Variants in CEP78 observed in about 807,000 individuals in gnomAD.
CEP78 encodes the protein centrosomal protein of 78 kDa.
A neutral mutation model predicts 81.2 loss-of-function variants in CEP78; 76 were observed. That is an observed-to-expected ratio of 0.94 (90% CI 0.78 to 1.13). CEP78 has a LOEUF of 1.13. Ranked by LOEUF, CEP78 falls within the 50% of genes most tolerant of loss-of-function variation. The pLI, the probability that CEP78 is intolerant of heterozygous loss-of-function variation, is 0.00. For missense variants in CEP78, 918 were observed against 846.8 expected, an observed-to-expected ratio of 1.08 and a Z score of -1.04; for synonymous variants, 293 against 301.4, an observed-to-expected ratio of 0.97 and a Z score of 0.29.
In CEP78 at chr9:78,236,087, G is replaced by A. The variant is rs942603026; in HGVS notation, c.-264G>A. The A allele has an allele frequency of 1.2e-5, 6 of 485,114 alleles. No homozygotes were observed. The South Asian group carries it at 1.3e-4, about 11-fold the overall frequency. The allele number at this position is 485,114 out of a possible 1,614,324, so 30.1% of individuals were successfully genotyped here. On this transcript the variant is annotated 5_prime_UTR_variant, in exon 1 of 17. Transcript: ENST00000643273. ...GGCACCGCCCACCGGCTTGAATCCC[G>A]GCGCCTCAGAGGACTATGAGGCGGG...
rs148207872 is a variant in CEP78, at chr9:78,239,741, G to A, written c.254-282G>A. ...GCCTTTGCTCTCGCTGCTCCCTCTG[G>A]TTAATGCATCACCCACTCTCACCCC... On this transcript the variant is annotated intron_variant, in intron 1 of 16. Coordinates refer to ENST00000643273, the MANE Select transcript of CEP78 (RefSeq NM_001330691.3). 4.5e-4 allele frequency among the ~76,000 whole-genome samples: 69 copies of A among 152,230 alleles called. No homozygotes were observed. In the East Asian group the frequency reaches 0.01, roughly 23 times the overall value.
intron 8 of CEP78, chr9:78,250,354 A>G: frequency 5.0e-6 from 2 of 397,806 alleles, no homozygotes; most frequent in Admixed American, 4.4e-5. Flanking sequence ...TGTCACATTC[A>G]TATTGCAATT....
Position 78,262,230 on chromosome 9 carries a change from A to G in CEP78, c.1381-677A>G, listed in dbSNP as rs533678437. ...TTTTTTTTTTTTTTTACCAATCACA[A>G]TTTGGAGGCTTTTAGTTGTAAACAG... On this transcript the variant is annotated intron_variant, in intron 11 of 16. Transcript: ENST00000643273. Among the ~76,000 whole-genome samples the G allele has an allele frequency of 2.0e-5, 3 of 150,272 alleles. No individual in the cohort carries two copies. The South Asian group carries it at 6.3e-4, about 32-fold the overall frequency.
rs748644027 is a variant in CEP78, at chr9:78,240,125, C to G, written c.356C>G (p.Ser119Ter). Residue 119 changes from serine to a stop codon, truncating the protein, a stop_gained, in exon 2 of 17, where the codon TCA (serine) becomes TGA (stop). Transcript: ENST00000643273. LOFTEE classifies it high-confidence loss of function. ...GCTCTTAAAGGCTGTTTAAGTATAT[C>G]AAGTGTGCTAAAGAACCTGGAGCTA... is the stretch of plus-strand genomic sequence containing the variant. Reference protein sequence around the residue: ...CKALKGCLSISSVLKNLELNG... With the variant: ...CKALKGCLSI 6.3e-7 allele frequency: 1 copy of G among 1,589,298 alleles called. No individual in the cohort carries two copies. The highest frequency in any genetic ancestry group is 2.2e-5 in the East Asian group (1 of 44,786).
Position 78,264,179 on chromosome 9 carries a change from T to A in CEP78, c.1488T>A (p.Asn496Lys), listed in dbSNP as rs771426273. Residue 496 changes from asparagine (N) to lysine (K), a missense_variant, in exon 13 of 17, where the codon AAT (asparagine) becomes AAA (lysine). Physicochemically the swap from Asn to Lys is moderately conservative, Grantham distance 94 (BLOSUM62 0). Coordinates refer to ENST00000643273, the MANE Select transcript of CEP78 (RefSeq NM_001330691.3). ...ELEHENAQLR[N>K]INFSLSEALH... ...AACATGAAAATGCCCAGTTAAGAAA[T>A]ATAAATTTCTCTTTGTCTGAAGCCC... The A allele has an allele frequency of 5.6e-5, 84 of 1,494,810 alleles. No homozygotes were observed. The highest frequency in any genetic ancestry group is 2.5e-5 in the East Asian group (1 of 39,268). 92.6% of individuals were successfully genotyped at this position (1,494,810 alleles called of 1,614,324 possible). A position where few individuals can be genotyped will look rare whatever the true frequency, so the allele number is the denominator to read the frequency against.
chr9:78,237,824 C>T (rs1229621597), intron 1 of CEP78, among the ~76,000 whole-genome samples: 1 of 151,990 alleles, frequency 6.6e-6, no homozygotes, highest in South Asian at 2.1e-4. Context: ...AGGGCTGGGG[C>T]CGGGCACCGT....
At chr9:78,264,411 T>C in intron 13 of CEP78, 95 bp downstream of exon 13, 2 of 936,872 alleles carry the variant, frequency 2.1e-6, no homozygotes, top group Non-Finnish European at 3.3e-6. Context: ...TCTGAAGTCA[T>C]ATTTACTGTG....
rs542110442 is a variant in CEP78, at chr9:78,238,172, G to A, written c.253+1569G>A. Among the ~76,000 whole-genome samples, 153 of 152,102 alleles carry A rather than the reference G, an allele frequency of 1.0e-3. 1 individual carries two copies. The highest frequency in any genetic ancestry group is 2.2e-4 in the African/African-American group (9 of 41,502). ...TAGGATTTCAGATATCTAAGAGAATGGATGGGCGTGGTGACTAGTTAGAAG... is the reference window on the plus strand; with the variant it reads ...TAGGATTTCAGATATCTAAGAGAATAGATGGGCGTGGTGACTAGTTAGAAG... On this transcript the variant is annotated intron_variant, in intron 1 of 16. Transcript: ENST00000643273.
In CEP78 at chr9:78,236,190, G is replaced by A; in HGVS notation, c.-161G>A. On this transcript the variant is annotated 5_prime_UTR_variant, in exon 1 of 17. Transcript: ENST00000643273. ...GGGGCCGGCCTAGCTTGGGGCTCTG[G>A]CCTTGCGTCTTCCGACCGAATCACC... The A allele has an allele frequency of 1.6e-6, 1 of 639,774 alleles. No homozygotes were observed. 39.6% of individuals were successfully genotyped at this position (639,774 alleles called of 1,614,324 possible). A position where few individuals can be genotyped will look rare whatever the true frequency, so the allele number is the denominator to read the frequency against.
intron 11 of CEP78, among the ~76,000 whole-genome samples, chr9:78,260,690 G>A (rs1827234147): frequency 7.0e-6 from 1 of 143,094 alleles, no homozygotes; most frequent in African/African-American, 2.6e-5. Flanking sequence ...CTAGGCGACA[G>A]AGCGAGACTC....
At position 78,236,455 on chromosome 9, in the gene CEP78, C is replaced by T. The variant is rs1293786635; in HGVS notation, c.105C>T (p.Arg35=). ...LQNSVPLPAV[R]ACLREGVLDF... is the part of the protein sequence containing the mutation. ...ACTCGGTGCCGCTGCCCGCCGTGCG[C>T]GCCTGTCTCCGGGAGGGCGTGCTGG... The change falls in exon 1 of 17, where the codon CGC becomes CGT. Residue 35 remains arginine, a synonymous_variant. Transcript: ENST00000643273. The T allele has an allele frequency of 6.2e-7, 1 of 1,605,168 alleles. No homozygotes were observed. Among genetic ancestry groups the T allele is most frequent in the Admixed American group, 1.7e-5 (1 of 58,930 alleles).
At position 78,272,731 on chromosome 9, in the gene CEP78, C is replaced by T. The variant is rs1373100103; in HGVS notation, c.*1880C>T. On this transcript the variant is annotated 3_prime_UTR_variant, in exon 17 of 17. Transcript: ENST00000643273. ...TTTCAACAACATAGGTTTATTTGTG[C>T]CCATGCAGTTTGCCTTTGGCAGATT... 1 of 152,132 alleles carries T rather than the reference C, an allele frequency of 6.6e-6. No individual in the cohort carries two copies. Among genetic ancestry groups the T allele is most frequent in the Admixed American group, 6.5e-5 (1 of 15,274 alleles). The allele number at this position is 152,132 out of a possible 1,614,324, so 9.4% of individuals were successfully genotyped here.
At chr9:78,251,836 A>AT in intron 8 of CEP78, 72 bp from the exon 9 acceptor site, 1 of 1,375,012 alleles carries the variant, frequency 7.3e-7, no homozygotes, top group Non-Finnish European at 1.0e-6. Context: ...TTTTAAGAGT[A>AT]TGCACATGTG....
chr9:78,248,345 C>G lies in CEP78; in HGVS notation c.947C>G (p.Ala316Gly). The G allele has an allele frequency of 6.4e-7, 1 of 1,567,936 alleles. No homozygotes were observed. Among genetic ancestry groups the G allele is most frequent in the Non-Finnish European group, 8.8e-7 (1 of 1,138,196 alleles). ...AAAGTCCTCCAGAATGGAAGGAGTG[C>G]CAAATCAGAGGTATATCATGTTTTA... ...IKKVLQNGRSAKSEYQWITSP... is the reference protein window; with the variant it reads ...IKKVLQNGRSGKSEYQWITSP... The change falls in exon 7 of 17, where the codon GCC (alanine) becomes GGC (glycine). Residue 316 changes from alanine to glycine, a missense_variant. Physicochemically the swap from Ala to Gly is moderately conservative, Grantham distance 60. Transcript: ENST00000643273.
In CEP78 at chr9:78,271,154, A is replaced by T; in HGVS notation, c.*303A>T. 1 of 253,838 alleles carries T rather than the reference A, an allele frequency of 3.9e-6. No homozygotes were observed. The highest frequency in any genetic ancestry group is 7.4e-6 in the Non-Finnish European group (1 of 135,474). 15.7% of individuals were successfully genotyped at this position (253,838 alleles called of 1,614,324 possible). A position where few individuals can be genotyped will look rare whatever the true frequency, so the allele number is the denominator to read the frequency against. ...TTAAGCTGCCCACATGATCTCTCTA[A>T]CTATGATGACCTGCCACTTCCGTTT... On this transcript the variant is annotated 3_prime_UTR_variant, in exon 17 of 17. Coordinates refer to ENST00000643273, the MANE Select transcript of CEP78 (RefSeq NM_001330691.3).
rs1290657841 is a variant in CEP78, at chr9:78,243,532, G to C, written c.674G>C (p.Cys225Ser). ...SLRYRRPDLD[C>S]MAGLRRITLN... is the part of the protein sequence containing the mutation. ...CGCTATAGGAGACCTGATCTTGACT[G>C]TATGGCTGGCTTAAGACGTATCACA... Residue 225 changes from cysteine (C) to serine (S), a missense_variant, in exon 5 of 17, where the codon TGT (cysteine) becomes TCT (serine). Physicochemically the swap from Cys to Ser is moderately radical, Grantham distance 112 (BLOSUM62 -1). Transcript: ENST00000643273. 6.2e-7 allele frequency: 1 copy of C among 1,613,854 alleles called. No individual in the cohort carries two copies. The highest frequency in any genetic ancestry group is 8.5e-7 in the Non-Finnish European group (1 of 1,179,800).
intron 14 of CEP78, 125 bp downstream of exon 14, chr9:78,265,668 C>T (rs1827494197): frequency 3.4e-6 from 3 of 894,942 alleles, no homozygotes; most frequent in Non-Finnish European, 3.4e-6. Flanking sequence ...CTTTGGGGTC[C>T]TTTCCAAGAC....
At chr9:78,260,030 T>A (rs1827203253) in intron 11 of CEP78, among the ~76,000 whole-genome samples, 1 of 152,190 alleles carries the variant, frequency 6.6e-6, no homozygotes, top group Non-Finnish European at 1.5e-5. Context: ...ATGCTGGGGA[T>A]AAACACTTAA....
intron 9 of CEP78, among the ~76,000 whole-genome samples, 163 bp downstream of exon 9, chr9:78,252,206 A>G (rs895112443): frequency 1.3e-5 from 2 of 152,198 alleles, no homozygotes; most frequent in African/African-American, 4.8e-5. Flanking sequence ...AACAAAAAAT[A>G]ATCCTAAGTA....
Sources: gnomAD v4.1 joint callset for allele counts (sites outside exome capture counted in the v4.1 genomes callset) on GRCh38, gnomAD v4.1.1 for gene constraint, MANE v1.5 for transcripts, NCBI Gene and HGNC (gene_info 2026-07-23, HGNC 2026-07-21) for gene names.